The following MAF variants were observed in gnomAD, a reference collection of about 807,000 sequenced individuals.
MAF encodes the protein transcription factor Maf.
In MAF, 10 loss-of-function variants were observed where a neutral mutation model predicts 22.0. That is an observed-to-expected ratio of 0.45 (90% CI 0.28 to 0.77). MAF has a LOEUF of 0.77. MAF is among the 30% of genes least tolerant of loss of function. The pLI is 0.12. For missense variants in MAF, 544 were observed against 548.4 expected, an observed-to-expected ratio of 0.99 and a Z score of 0.08; for synonymous variants, 337 against 255.8, an observed-to-expected ratio of 1.32 and a Z score of -3.03.
the MAF span, among the ~76,000 whole-genome samples, chr16:79,348,155 G>A: frequency 6.6e-6 from 1 of 152,234 alleles, no homozygotes; most frequent in Non-Finnish European, 1.5e-5. Flanking sequence ...TGGCCAAACG[G>A]CCTCAGAGGG....
the MAF span, among the ~76,000 whole-genome samples, chr16:79,577,506 A>T: frequency 6.6e-6 from 1 of 152,178 alleles, no homozygotes; most frequent in East Asian, 1.9e-4. Context: ...AAGATGGCAT[A>T]GATCTGGTGT....
the MAF span, among the ~76,000 whole-genome samples, chr16:79,516,737 T>C: frequency 0.84 from 127,416 of 152,182 alleles, 53,620 homozygotes; most frequent in East Asian, 0.92. Context: ...TTTTCCAAGA[T>C]CTTCTCCACT....
At chr16:79,585,359 C>T (rs2143691568), downstream of MAF, among the ~76,000 whole-genome samples, 1 of 152,102 alleles carries the variant, frequency 6.6e-6, no homozygotes, top group Middle Eastern at 3.4e-3. Flanking sequence ...AGTGGGGACA[C>T]ACTGTGCTTT....
chr16:79,494,972 T>C, the MAF span, among the ~76,000 whole-genome samples: 1 of 152,148 alleles, frequency 6.6e-6, no homozygotes, highest in Non-Finnish European at 1.5e-5. Flanking sequence ...AACAGCCAAA[T>C]GGAAGCAACG....
the MAF span, among the ~76,000 whole-genome samples, chr16:79,348,051 T>G: frequency 6.6e-6 from 1 of 152,266 alleles, no homozygotes; most frequent in Non-Finnish European, 1.5e-5. Flanking sequence ...CTTTCCCTAC[T>G]CAGCGTCAAC....
the MAF span, among the ~76,000 whole-genome samples, chr16:79,362,358 C>A: frequency 6.6e-6 from 1 of 152,146 alleles, no homozygotes; most frequent in African/African-American, 2.4e-5. Context: ...CACACAGATG[C>A]CTTGAATATA....
the MAF span, among the ~76,000 whole-genome samples, chr16:79,231,330 G>A: frequency 1.3e-5 from 2 of 152,126 alleles, no homozygotes; most frequent in Non-Finnish European, 2.9e-5. Context: ...GGGTAAAACT[G>A]GAAATGAGCT....
the MAF span, among the ~76,000 whole-genome samples, chr16:79,209,655 A>AAAAC: frequency 4.6e-5 from 7 of 152,218 alleles, no homozygotes; most frequent in Non-Finnish European, 8.8e-5. Flanking sequence ...AAGTTGATAC[A>AAAAC]AAACACCATC....
chr16:79,519,464 G>C, the MAF span, among the ~76,000 whole-genome samples: 1 of 152,192 alleles, frequency 6.6e-6, no homozygotes, highest in Non-Finnish European at 1.5e-5. Flanking sequence ...TTTCCAGGGA[G>C]AGCTGCTGCC....
chr16:79,557,060 C>A, the MAF span, among the ~76,000 whole-genome samples: 1 of 151,732 alleles, frequency 6.6e-6, no homozygotes, highest in Admixed American at 6.5e-5. Flanking sequence ...TCAAGTGATC[C>A]TCCCAGGTAG....
chr16:79,550,750 C>G, the MAF span, among the ~76,000 whole-genome samples: 1 of 151,026 alleles, frequency 6.6e-6, no homozygotes, highest in Non-Finnish European at 1.5e-5. Context: ...TAATCTGTGG[C>G]TAGAGGAAGA....
rs1597840981 is a variant in MAF, at chr16:79,594,136, A to C, written c.*324T>G. The C allele has an allele frequency of 3.1e-6, 1 of 318,374 alleles. No individual in the cohort carries two copies. Among genetic ancestry groups the C allele is most frequent in the East Asian group, 4.6e-5 (1 of 21,608 alleles). 19.7% of individuals were successfully genotyped at this position (318,374 alleles called of 1,614,324 possible). ...AAATGCTAATTGTTGCATTCCGGGA[A>C]ACTTTCCATTATATATATGCATATA... On this transcript the variant is annotated 3_prime_UTR_variant, in exon 2 of 2. Coordinates refer to ENST00000326043, the MANE Select transcript of MAF (RefSeq NM_005360.5).
At chr16:79,594,614 G>C in intron 1 of MAF, 61 bp from the exon 2 acceptor site, 1 of 1,541,938 alleles carries the variant, frequency 6.5e-7, no homozygotes, top group South Asian at 1.2e-5. Context: ...GCAGCGTAAA[G>C]GGGAAAGCTA....
chr16:79,273,320 C>T, the MAF span, among the ~76,000 whole-genome samples: 6 of 152,106 alleles, frequency 3.9e-5, no homozygotes, highest in African/African-American at 1.4e-4. Context: ...TTCCATGACT[C>T]GAAAAAGGCA....
the MAF span, among the ~76,000 whole-genome samples, chr16:79,217,350 T>C: frequency 6.6e-6 from 1 of 152,216 alleles, no homozygotes; most frequent in Non-Finnish European, 1.5e-5. Flanking sequence ...ACTAGAAGCA[T>C]ATATACATTA....
At chr16:79,522,223 T>A in the MAF span, among the ~76,000 whole-genome samples, 2 of 152,232 alleles carry the variant, frequency 1.3e-5, no homozygotes, top group African/African-American at 4.8e-5. Context: ...GACTCTCCAC[T>A]GTTCCAGTGC....
chr16:79,307,291 C>G, the MAF span, among the ~76,000 whole-genome samples: 1 of 152,182 alleles, frequency 6.6e-6, no homozygotes, highest in Admixed American at 6.5e-5. Context: ...GCTGGCCCAG[C>G]CTGGGCTTCT....
chr16:79,270,931 A>C, the MAF span, among the ~76,000 whole-genome samples: 1 of 144,664 alleles, frequency 6.9e-6, no homozygotes, highest in East Asian at 2.1e-4. Flanking sequence ...ACAGAGTTTC[A>C]CTCTTTTCAC....
At chr16:79,252,476 G>A in the MAF span, among the ~76,000 whole-genome samples, 1 of 151,934 alleles carries the variant, frequency 6.6e-6, no homozygotes, top group African/African-American at 2.4e-5. Context: ...AGATTGTCAG[G>A]AGCCTGGTTT....
Sources: gnomAD v4.1 joint callset for allele counts (sites outside exome capture counted in the v4.1 genomes callset) on GRCh38, gnomAD v4.1.1 for gene constraint, MANE v1.5 for transcripts, NCBI Gene and HGNC (gene_info 2026-07-23, HGNC 2026-07-21) for gene names.